Variants in PDE4D observed in about 807,000 individuals in gnomAD.
The protein encoded by PDE4D is 3',5'-cyclic-AMP phosphodiesterase 4D.
PDE4D carries 24 observed loss-of-function variants against 87.4 expected under a neutral mutation model. The observed-to-expected ratio is 0.27, with a 90% confidence interval of 0.20 to 0.39. The LOEUF is 0.39. Among genes scored for constraint, PDE4D ranks in the 10% least tolerant of loss-of-function variants. The pLI is 1.00. For missense variants in PDE4D, 714 were observed against 1,041.0 expected (o/e 0.69, Z 4.32); for synonymous variants, 384 against 383.2 (o/e 1.00, Z -0.02).
intron 1 of PDE4D, among the ~76,000 whole-genome samples, chr5:59,775,904 A>G (rs934703299): frequency 5.3e-5 from 8 of 152,164 alleles, no homozygotes; most frequent in African/African-American, 1.9e-4. Context: ...TCAAATTAGT[A>G]TAATATAACT....
intron 2 of PDE4D, among the ~76,000 whole-genome samples, chr5:60,095,246 C>T (rs1377058509): frequency 6.6e-6 from 1 of 152,060 alleles, no homozygotes; most frequent in African/African-American, 2.4e-5. Flanking sequence ...TTCCACTCCC[C>T]ATGTCCCTGT....
At position 60,068,416 on chromosome 5, in the gene PDE4D, G is replaced by A. The variant is rs186314240; in HGVS notation, c.43-79699C>T. ...AAGTCCATAGCCCATGTTTAAATCA[G>A]GTTATTTATTTATTTATTTATTTTT... is the stretch of plus-strand genomic sequence containing the variant. On this transcript the variant is annotated intron_variant, in intron 2 of 16. Transcript: ENST00000502484. 9.9e-3 allele frequency among the ~76,000 whole-genome samples: 1,304 copies of A among 132,124 alleles called. 15 individuals are homozygous for A. The highest frequency in any genetic ancestry group is 0.034 in the African/African-American group (1,241 of 36,830). 86.7% of individuals were successfully genotyped at this position (132,124 alleles called of 152,430 possible).
intron 1 of PDE4D, among the ~76,000 whole-genome samples, chr5:60,413,193 C>T (rs535862091): frequency 6.6e-6 from 1 of 152,178 alleles, no homozygotes; most frequent in African/African-American, 2.4e-5. Context: ...TTCCTACTGA[C>T]TACTGTAGCT....
chr5:60,072,677 T>G (rs896100715), intron 2 of PDE4D, among the ~76,000 whole-genome samples: 2 of 152,122 alleles, frequency 1.3e-5, no homozygotes, highest in Non-Finnish European at 2.9e-5. Flanking sequence ...TTGAGTTAAT[T>G]TTTATGTATA....
chr5:59,268,559 C>G (rs181526544), intron 1 of PDE4D, among the ~76,000 whole-genome samples: 1 of 151,998 alleles, frequency 6.6e-6, no homozygotes. Context: ...TACCTTACTT[C>G]TGTCCATTTT....
intron 2 of PDE4D, among the ~76,000 whole-genome samples, chr5:60,101,652 A>G (rs1402329830): frequency 6.6e-6 from 1 of 152,142 alleles, no homozygotes; most frequent in African/African-American, 2.4e-5. Context: ...GTTGCAGAAT[A>G]AAATGCTTCA....
At chr5:59,262,465 G>T (rs1762177799) in intron 1 of PDE4D, among the ~76,000 whole-genome samples, 1 of 151,298 alleles carries the variant, frequency 6.6e-6, no homozygotes, top group Non-Finnish European at 1.5e-5. Context: ...CTAATTTCTT[G>T]CCATTCCAAA....
At chr5:59,392,780 G>A (rs1305532164) in intron 1 of PDE4D, among the ~76,000 whole-genome samples, 1 of 152,126 alleles carries the variant, frequency 6.6e-6, no homozygotes, top group Non-Finnish European at 1.5e-5. Flanking sequence ...GCAGATATGT[G>A]AGTTGTGACC....
At chr5:59,959,114 G>GCACACA (rs70975352) in intron 3 of PDE4D, among the ~76,000 whole-genome samples, 11,217 of 150,468 alleles carry the variant, frequency 0.075, 1,284 homozygotes, top group African/African-American at 0.25. Context: ...ACACGCAGGT[G>GCACACA]CACACACACA....
intron 1 of PDE4D, among the ~76,000 whole-genome samples, chr5:59,242,183 G>A (rs1757820563): frequency 1.3e-5 from 2 of 152,132 alleles, no homozygotes; most frequent in South Asian, 4.1e-4. Context: ...TTGAGCCCAG[G>A]AGTTTGAGTC....
At chr5:60,430,545 G>GT (rs1303120305) in intron 1 of PDE4D, among the ~76,000 whole-genome samples, 1,490 of 116,116 alleles carry the variant, frequency 0.013, 35 homozygotes, top group African/African-American at 0.056. Context: ...GTTTTTTTTT[G>GT]TTTGTTTTTT....
intron 1 of PDE4D, among the ~76,000 whole-genome samples, chr5:59,741,559 T>C (rs1758842551): frequency 1.3e-5 from 2 of 152,224 alleles, no homozygotes; most frequent in South Asian, 2.1e-4. Context: ...AGTTGCCGTA[T>C]ATTTATTTAA....
intron 1 of PDE4D, among the ~76,000 whole-genome samples, chr5:59,307,905 T>C (rs1483457177): frequency 2.0e-5 from 3 of 151,994 alleles, no homozygotes. Flanking sequence ...TAAAGACACA[T>C]GCACACGTAT....
chr5:59,419,090 G>A (rs1794089057), intron 1 of PDE4D, among the ~76,000 whole-genome samples: 1 of 152,158 alleles, frequency 6.6e-6, no homozygotes, highest in Non-Finnish European at 1.5e-5. Flanking sequence ...TATGTAATGT[G>A]AGTTCATTCT....
chr5:59,176,336 T>G (rs1435569793), intron 5 of PDE4D, among the ~76,000 whole-genome samples: 1 of 152,060 alleles, frequency 6.6e-6, no homozygotes, highest in Non-Finnish European at 1.5e-5. Flanking sequence ...GTGGATCACC[T>G]GAGGTCAGGA....
chr5:59,284,257 T>G (rs958575994), intron 1 of PDE4D, among the ~76,000 whole-genome samples: 3 of 152,134 alleles, frequency 2.0e-5, no homozygotes, highest in Admixed American at 1.3e-4. Context: ...CACCATATGG[T>G]CATCCTCTCT....
chr5:59,206,158 G>A (rs1399530926), intron 2 of PDE4D, among the ~76,000 whole-genome samples: 1 of 147,106 alleles, frequency 6.8e-6, no homozygotes, highest in Non-Finnish European at 1.5e-5. Context: ...AGGAGATGCT[G>A]CAGTAGGCAG....
At chr5:59,100,896 C>T (rs1770625636) in intron 5 of PDE4D, among the ~76,000 whole-genome samples, 1 of 152,090 alleles carries the variant, frequency 6.6e-6, no homozygotes, top group Admixed American at 6.6e-5. Flanking sequence ...ACCCAAGAAC[C>T]TCAGGGATTA....
chr5:59,135,344 T>C (rs1776888137), intron 5 of PDE4D, among the ~76,000 whole-genome samples: 2 of 152,246 alleles, frequency 1.3e-5, no homozygotes, highest in South Asian at 2.1e-4. Context: ...CTGTTTTCTC[T>C]AGGAAATTTT....
Sources: allele counts gnomAD v4.1 joint callset (sites outside exome capture counted in the v4.1 genomes callset), GRCh38; gene constraint gnomAD v4.1.1; transcripts MANE v1.5; gene names NCBI Gene and HGNC (gene_info 2026-07-23, HGNC 2026-07-21).